The following AFF2 variants were observed in gnomAD, a reference collection of about 807,000 sequenced individuals.
AFF2 encodes ALF transcription elongation factor 2.
AFF2 carries 14 observed loss-of-function variants against 76.9 expected under a neutral mutation model. The observed-to-expected ratio is 0.18, with a 90% CI of 0.12 to 0.28. The LOEUF is 0.28. Among genes scored for constraint, AFF2 ranks in the 10% least tolerant of loss-of-function variants. The pLI, the probability that AFF2 is intolerant of heterozygous loss-of-function variation, is 1.00. For synonymous variants in AFF2, 398 were observed against 366.7 expected (o/e 1.09, Z -0.98); for missense variants, 868 against 1,001.1 (o/e 0.87, Z 1.79).
rs782794085 is a variant in AFF2 at position 148,791,483 on chromosome X, A to G, written c.1042-18393A>G. ...TGGGAATTATGGGAGCTACAATTCAAGAAGAAATGTGGGTGGGCACACAGC... is the reference window on the plus strand; with the variant it reads ...TGGGAATTATGGGAGCTACAATTCAGGAAGAAATGTGGGTGGGCACACAGC... On this transcript the variant is annotated intron_variant, in intron 3 of 20. Coordinates refer to ENST00000370460, the MANE Select transcript of AFF2 (RefSeq NM_002025.4). Among the ~76,000 whole-genome samples the G allele has an allele frequency of 7.1e-5, 8 of 112,573 alleles. No individual in the cohort carries two copies. In the South Asian group the frequency reaches 2.6e-3, roughly 36 times the overall value.
At chrX:148,715,585 G>A (rs1331837430) in intron 3 of AFF2, among the ~76,000 whole-genome samples, 1 of 111,347 alleles carries the variant, frequency 9.0e-6, no homozygotes. Flanking sequence ...GATGATAGGG[G>A]CCATTTGAAC....
chrX:148,530,512 C>G (rs781872881), intron 1 of AFF2, among the ~76,000 whole-genome samples: 2 of 111,406 alleles, frequency 1.8e-5, no homozygotes, highest in Non-Finnish European at 3.8e-5. Flanking sequence ...CATTCCCATC[C>G]CATGCCTTCC....
At chrX:148,605,442 T>C (rs1455913429) in intron 1 of AFF2, among the ~76,000 whole-genome samples, 2 of 111,381 alleles carry the variant, frequency 1.8e-5, no homozygotes, top group Non-Finnish European at 3.8e-5. Flanking sequence ...ATTCCCATTA[T>C]TTCCTAGCTT....
intron 3 of AFF2, among the ~76,000 whole-genome samples, chrX:148,680,792 T>C (rs1169188916): frequency 1.8e-5 from 2 of 111,124 alleles, no homozygotes; most frequent in African/African-American, 6.5e-5. Flanking sequence ...GGCAGGTGGA[T>C]TTAGGATGGC....
chrX:148,650,912 A>G (rs781834001), intron 1 of AFF2, among the ~76,000 whole-genome samples: 19 of 112,323 alleles, frequency 1.7e-4, no homozygotes, highest in Non-Finnish European at 2.4e-4. Context: ...TTAAGTCTTA[A>G]CATGGGACTA....
chrX:148,850,179 T>A (rs2070716460), intron 7 of AFF2, among the ~76,000 whole-genome samples: 1 of 111,582 alleles, frequency 9.0e-6, no homozygotes, highest in Admixed American at 9.5e-5. Flanking sequence ...AGATTGATTT[T>A]GGTGGCATAT....
At chrX:148,518,815 A>G (rs1038506290) in intron 1 of AFF2, among the ~76,000 whole-genome samples, 2 of 112,056 alleles carry the variant, frequency 1.8e-5, no homozygotes, top group South Asian at 3.7e-4. Flanking sequence ...TTGGAAAATG[A>G]TGCTCAAATC....
intron 4 of AFF2, among the ~76,000 whole-genome samples, chrX:148,833,182 A>G (rs1460916437): frequency 9.0e-6 from 1 of 111,307 alleles, no homozygotes; most frequent in Non-Finnish European, 1.9e-5. Flanking sequence ...GCCTTTTCCA[A>G]ATGCCTAGCA....
chrX:148,644,077 C>T (rs1210341605), intron 1 of AFF2, among the ~76,000 whole-genome samples: 2 of 111,482 alleles, frequency 1.8e-5, no homozygotes, highest in African/African-American at 6.5e-5. Flanking sequence ...ATATTTTTGA[C>T]AATCAATATC....
intron 9 of AFF2, among the ~76,000 whole-genome samples, chrX:148,923,704 C>T (rs1206017210): frequency 2.7e-5 from 3 of 111,507 alleles, no homozygotes; most frequent in African/African-American, 9.8e-5. Flanking sequence ...TCTAAGAAAA[C>T]ACTCAATTGT....
intron 3 of AFF2, among the ~76,000 whole-genome samples, chrX:148,754,842 G>A (rs1250417258): frequency 2.7e-5 from 3 of 111,661 alleles, no homozygotes; most frequent in Admixed American, 9.5e-5. Context: ...AATAATACAC[G>A]TAACCCCTGC....
At chrX:148,811,947 C>A (rs1038502155) in intron 4 of AFF2, among the ~76,000 whole-genome samples, 26 of 110,398 alleles carry the variant, frequency 2.4e-4, no homozygotes, top group African/African-American at 8.3e-4. Flanking sequence ...AGAGAAATGT[C>A]TCTTTTTTTT....
At chrX:148,864,572 A>T (rs782623433) in intron 7 of AFF2, among the ~76,000 whole-genome samples, 12 of 112,275 alleles carry the variant, frequency 1.1e-4, no homozygotes, top group African/African-American at 3.9e-4. Flanking sequence ...GCTGTGAGAT[A>T]TATCATAGAA....
At chrX:148,651,974 T>C in intron 1 of AFF2, 25 bp from the exon 2 acceptor site, 1 of 1,144,699 alleles carries the variant, frequency 8.7e-7, no homozygotes, top group Non-Finnish European at 1.2e-6. Flanking sequence ...CTTTTTCTCT[T>C]TTTGTCTTTT....
rs201209692 is a variant in AFF2, at chrX:148,783,667, AT to A, written c.1042-26200del. On this transcript the variant is annotated intron_variant, in intron 3 of 20. Coordinates refer to ENST00000370460, the MANE Select transcript of AFF2 (RefSeq NM_002025.4). Reference sequence around the variant, plus strand: ...AACTTAATAACCATCCCAAGATATGATTTTTTTTTAGCTTGTCTCTAGAAGG... The same window carrying A: ...AACTTAATAACCATCCCAAGATATGATTTTTTTTAGCTTGTCTCTAGAAGG... Among the ~76,000 whole-genome samples, 10 of 110,343 alleles carry A rather than the reference AT, an allele frequency of 9.1e-5. No homozygotes were observed. In the East Asian group the frequency reaches 2.3e-3, roughly 25 times the overall value.
At chrX:148,850,622 A>G (rs2070721243) in intron 7 of AFF2, among the ~76,000 whole-genome samples, 1 of 111,809 alleles carries the variant, frequency 8.9e-6, no homozygotes, top group Admixed American at 9.5e-5. Flanking sequence ...ACATATGCAC[A>G]CTCTTTTTTC....
chrX:148,848,264 A>G (rs1557274951), intron 7 of AFF2, among the ~76,000 whole-genome samples: 1 of 111,943 alleles, frequency 8.9e-6, no homozygotes, highest in African/African-American at 3.2e-5. Flanking sequence ...AAATGTCATT[A>G]TTTCTAAAGT....
chrX:148,539,196 CTTA>C (rs1257799940), intron 1 of AFF2, among the ~76,000 whole-genome samples: 1 of 112,004 alleles, frequency 8.9e-6, no homozygotes, highest in Non-Finnish European at 1.9e-5. Context: ...TCATTAAGCA[CTTA>C]TTATGTACCT....
chrX:148,557,666 C>T (rs144539984), intron 1 of AFF2, among the ~76,000 whole-genome samples: 1 of 112,385 alleles, frequency 8.9e-6, no homozygotes, highest in African/African-American at 3.2e-5. Context: ...GATTAAATTT[C>T]TAACTTTGGG....
Sources: gnomAD v4.1 joint callset for allele counts (sites outside exome capture counted in the v4.1 genomes callset) on GRCh38, gnomAD v4.1.1 for gene constraint, MANE v1.5 for transcripts, NCBI Gene and HGNC (gene_info 2026-07-23, HGNC 2026-07-21) for gene names.